The following TMEM178B variants were observed in gnomAD, a reference collection of about 807,000 sequenced individuals.
TMEM178B encodes the protein transmembrane protein 178B.
In TMEM178B, 5 loss-of-function variants were observed where a neutral mutation model predicts 31.0. The observed-to-expected ratio is 0.16, with a 90% CI of 0.08 to 0.34. The LOEUF (loss-of-function observed/expected upper bound fraction) is 0.34, where lower values mean the gene tolerates loss of function less well. TMEM178B is among the 10% of genes least tolerant of loss of function. The pLI is 1.00. For missense variants in TMEM178B, 275 were observed against 400.3 expected (o/e 0.69, Z 2.67); for synonymous variants, 164 against 164.0 (o/e 1.00, Z 0.00).
chr7:141,138,885 G>A (rs1398521222), intron 1 of TMEM178B, among the ~76,000 whole-genome samples: 1 of 152,038 alleles, frequency 6.6e-6, no homozygotes, highest in Non-Finnish European at 1.5e-5. Flanking sequence ...TCGGGAGGCT[G>A]AGGCAGGAGA....
intron 2 of TMEM178B, among the ~76,000 whole-genome samples, chr7:141,215,334 A>ATTTTTTTTTTTTTT (rs779584995): frequency 1.7e-5 from 1 of 59,052 alleles, no homozygotes; most frequent in African/African-American, 4.1e-5. Context: ...TATTATTATT[A>ATTTTTTTTTTTTTT]TTATTTTTTG....
intron 2 of TMEM178B, among the ~76,000 whole-genome samples, chr7:141,348,154 G>A (rs1298370870): frequency 1.3e-5 from 2 of 152,136 alleles, no homozygotes; most frequent in Admixed American, 6.5e-5. Context: ...TGGGTTTTAC[G>A]ATAGCGGGTT....
chr7:141,268,335 A>T (rs1798126676), intron 2 of TMEM178B, among the ~76,000 whole-genome samples: 1 of 152,374 alleles, frequency 6.6e-6, no homozygotes, highest in African/African-American at 2.4e-5. Context: ...TGAAAAGCTT[A>T]TGGGAAAAAT....
intron 2 of TMEM178B, among the ~76,000 whole-genome samples, chr7:141,349,963 C>G (rs531190647): frequency 0.013 from 1,503 of 112,820 alleles, 15 homozygotes; most frequent in Non-Finnish European, 0.017. Context: ...ATGCATCCAT[C>G]CATCCATCCA....
intron 1 of TMEM178B, among the ~76,000 whole-genome samples, chr7:141,203,214 G>T (rs1382576725): frequency 6.6e-6 from 1 of 152,134 alleles, no homozygotes; most frequent in Non-Finnish European, 1.5e-5. Flanking sequence ...TCTCTAACTG[G>T]TTTTGTCTTT....
At chr7:141,230,832 A>G (rs1226694148) in intron 2 of TMEM178B, among the ~76,000 whole-genome samples, 1 of 152,086 alleles carries the variant, frequency 6.6e-6, no homozygotes, top group Non-Finnish European at 1.5e-5. Context: ...TGTAGATTAC[A>G]AGACAGCTCA....
intron 1 of TMEM178B, among the ~76,000 whole-genome samples, chr7:141,161,877 G>A (rs1186149649): frequency 6.6e-6 from 1 of 152,020 alleles, no homozygotes; most frequent in East Asian, 1.9e-4. Flanking sequence ...CAGCTGTGTG[G>A]TATATGAGTG....
chr7:141,507,372 C>G, the TMEM178B span, among the ~76,000 whole-genome samples: 1 of 152,228 alleles, frequency 6.6e-6, no homozygotes, highest in Admixed American at 6.5e-5. Flanking sequence ...GGTTCCCAAA[C>G]CTCAACTCTT....
At chr7:141,353,297 T>G (rs555592481) in intron 2 of TMEM178B, among the ~76,000 whole-genome samples, 10 of 152,266 alleles carry the variant, frequency 6.6e-5, no homozygotes, top group African/African-American at 2.4e-4. Context: ...CCTAAGGATC[T>G]TTCCAGCCTA....
chr7:141,356,401 A>T (rs1554479369), intron 2 of TMEM178B, among the ~76,000 whole-genome samples: 1 of 151,158 alleles, frequency 6.6e-6, no homozygotes, highest in East Asian at 1.9e-4. Flanking sequence ...GGTCTTTTTA[A>T]TAGTAGCCAT....
At chr7:141,211,543 A>C (rs1250981364) in intron 1 of TMEM178B, among the ~76,000 whole-genome samples, 1 of 151,618 alleles carries the variant, frequency 6.6e-6, no homozygotes, top group African/African-American at 2.4e-5. Context: ...CAAATTTAAA[A>C]CCCCCTAACC....
intron 1 of TMEM178B, among the ~76,000 whole-genome samples, chr7:141,212,149 C>A (rs1797061287): frequency 6.6e-6 from 1 of 152,200 alleles, no homozygotes; most frequent in South Asian, 2.1e-4. Flanking sequence ...AGGATGGAGG[C>A]CCCCACCCAC....
intron 2 of TMEM178B, among the ~76,000 whole-genome samples, chr7:141,214,567 T>C (rs1246479538): frequency 1.3e-5 from 2 of 152,236 alleles, no homozygotes; most frequent in Non-Finnish European, 2.9e-5. Context: ...CAGATACTCT[T>C]CAGGGAAACC....
intron 2 of TMEM178B, among the ~76,000 whole-genome samples, chr7:141,401,222 G>T (rs539091549): frequency 6.6e-6 from 1 of 152,250 alleles, no homozygotes; most frequent in Admixed American, 6.5e-5. Context: ...GAATGAATGA[G>T]GGAACCCACT....
In TMEM178B at chr7:141,081,701, A is replaced by G. The variant is rs801160; in HGVS notation, c.382+7009A>G. Among the ~76,000 whole-genome samples, 7 of 152,324 alleles carry G rather than the reference A, an allele frequency of 4.6e-5. No individual in the cohort carries two copies. The South Asian group carries it at 1.4e-3, about 32-fold the overall frequency. ...AGTTGTAAAGTTAAAAGAATTAAAA[A>G]GTATATAAAGTAAAAAATCTACAGT... On this transcript the variant is annotated intron_variant, in intron 1 of 3. Transcript: ENST00000565468.
chr7:141,275,946 A>G (rs968539481), intron 2 of TMEM178B, among the ~76,000 whole-genome samples: 1 of 152,208 alleles, frequency 6.6e-6, no homozygotes, highest in Non-Finnish European at 1.5e-5. Flanking sequence ...TTAAGTACAT[A>G]TGGGCACATC....
At chr7:141,373,428 T>A (rs906509062) in intron 2 of TMEM178B, among the ~76,000 whole-genome samples, 1 of 152,296 alleles carries the variant, frequency 6.6e-6, no homozygotes, top group Admixed American at 6.5e-5. Flanking sequence ...GGAAATACAC[T>A]ACGAGACTGA....
intron 2 of TMEM178B, among the ~76,000 whole-genome samples, chr7:141,247,002 T>G (rs1797741687): frequency 1.3e-5 from 2 of 152,174 alleles, no homozygotes; most frequent in South Asian, 4.1e-4. Flanking sequence ...GTGAGCACCA[T>G]GGGGTCAGGG....
intron 3 of TMEM178B, among the ~76,000 whole-genome samples, chr7:141,448,588 A>C (rs936516441): frequency 6.6e-6 from 1 of 152,144 alleles, no homozygotes. Flanking sequence ...CTGTATAGGA[A>C]AGCCATGTTC....
Sources: allele counts gnomAD v4.1 joint callset (sites outside exome capture counted in the v4.1 genomes callset), GRCh38; gene constraint gnomAD v4.1.1; transcripts MANE v1.5; gene names NCBI Gene and HGNC (gene_info 2026-07-23, HGNC 2026-07-21).